ITIH5: variants seen among roughly 807,000 people sequenced by gnomAD.
ITIH5 encodes inter-alpha-trypsin inhibitor heavy chain 5, also known as inter-alpha-trypsin inhibitor heavy chain H5.
ITIH5 carries 65 observed loss-of-function variants against 77.5 expected under a neutral mutation model. The ratio of observed to expected loss-of-function variants is 0.84; its 90% CI spans 0.69 to 1.03. The LOEUF (loss-of-function observed/expected upper bound fraction) is 1.03. Among genes scored for constraint, ITIH5 ranks in the 50% least tolerant of loss-of-function variants. The probability of loss-of-function intolerance (pLI) is 0.00; values close to 1 mark genes in which losing one functional copy is unlikely to be tolerated. For synonymous variants in ITIH5, 525 were observed against 494.3 expected, an observed-to-expected ratio of 1.06 and a Z score of -0.82; for missense variants, 1,208 against 1,213.1, an observed-to-expected ratio of 1.00 and a Z score of 0.06.
At chr10:7,630,909 T>C (rs1394652781) in intron 5 of ITIH5, among the ~76,000 whole-genome samples, 3 of 152,120 alleles carry the variant, frequency 2.0e-5, no homozygotes, top group Non-Finnish European at 4.4e-5. Context: ...TCCCCATTCC[T>C]AGAGTTAAGA....
At chr10:7,634,923 A>G (rs1833775889) in intron 5 of ITIH5, among the ~76,000 whole-genome samples, 2 of 152,180 alleles carry the variant, frequency 1.3e-5, no homozygotes, top group Admixed American at 1.3e-4. Context: ...TGAAATTTTA[A>G]AACATTCTTA....
chr10:7,648,222 C>T (rs549671849), intron 2 of ITIH5, among the ~76,000 whole-genome samples: 9 of 147,900 alleles, frequency 6.1e-5, no homozygotes, highest in Non-Finnish European at 1.0e-4. Flanking sequence ...CCAGCCTGGG[C>T]GACTGAGCGA....
intron 2 of ITIH5, among the ~76,000 whole-genome samples, chr10:7,642,639 C>T (rs933517845): frequency 4.6e-5 from 7 of 152,166 alleles, no homozygotes; most frequent in Non-Finnish European, 7.3e-5. Flanking sequence ...AGCAGAGTAT[C>T]TAGAGAATTT....
At chr10:7,625,521 T>C (rs1360870938) in intron 5 of ITIH5, among the ~76,000 whole-genome samples, 1 of 152,120 alleles carries the variant, frequency 6.6e-6, no homozygotes, top group African/African-American at 2.4e-5. Flanking sequence ...TCCCAGCACT[T>C]TGGGAGGCCA....
intron 7 of ITIH5, among the ~76,000 whole-genome samples, chr10:7,613,872 C>T (rs1447258963): frequency 2.0e-5 from 3 of 152,186 alleles, no homozygotes; most frequent in African/African-American, 4.8e-5. Flanking sequence ...TGCAGTCCAG[C>T]TTCGTGCCAT....
chr10:7,589,624 C>G (rs1353639994), intron 7 of ITIH5, among the ~76,000 whole-genome samples: 1 of 151,822 alleles, frequency 6.6e-6, no homozygotes, highest in Non-Finnish European at 1.5e-5. Flanking sequence ...GGCTCGGAGA[C>G]CTCCACTATT....
intron 2 of ITIH5, among the ~76,000 whole-genome samples, chr10:7,651,434 T>G (rs904957933): frequency 1.3e-5 from 2 of 151,778 alleles, no homozygotes; most frequent in African/African-American, 4.8e-5. Flanking sequence ...AATACGAAAA[T>G]TAGCCGAGCG....
Position 7,640,720 on chromosome 10 carries a change from T to C in ITIH5, c.401+34A>G, listed in dbSNP as rs750684030. The C allele has an allele frequency of 2.2e-5, 31 of 1,430,632 alleles. No individual in the cohort carries two copies. The Admixed American group carries it at 4.8e-4, about 22-fold the overall frequency. The allele number at this position is 1,430,632 out of a possible 1,614,324, so 88.6% of individuals were successfully genotyped here. Reference sequence around the variant, plus strand: ...TAGAAAATGTGGCACTTTGCTAAAATGGGTTTTTAATTCCTTAATTAACCA... The same window carrying C: ...TAGAAAATGTGGCACTTTGCTAAAACGGGTTTTTAATTCCTTAATTAACCA... On this transcript the variant is annotated intron_variant, in intron 4 of 13. Coordinates refer to ENST00000397146, the MANE Select transcript of ITIH5 (RefSeq NM_030569.7).
chr10:7,577,045 A>G lies in ITIH5; in HGVS notation c.1419-33T>C, dbSNP rs374004102. 24 of 1,565,986 alleles carry G rather than the reference A, an allele frequency of 1.5e-5. No individual in the cohort carries two copies. The African/African-American group carries it at 2.7e-4, about 18-fold the overall frequency. On this transcript the variant is annotated intron_variant, in intron 9 of 13. Transcript: ENST00000397146. Reference sequence around the variant, plus strand: ...GGAAGCACAGGGAGGGAGGGAGATCAGGGCCCTGCTCTGACAGCAGGCAGG... The same window carrying G: ...GGAAGCACAGGGAGGGAGGGAGATCGGGGCCCTGCTCTGACAGCAGGCAGG...
At chr10:7,609,284 G>A (rs1833193374) in intron 7 of ITIH5, 3 of 371,276 alleles carry the variant, frequency 8.1e-6, no homozygotes, top group South Asian at 6.2e-5. Context: ...AAAAATGCAG[G>A]ATACATTTAT....
intron 5 of ITIH5, among the ~76,000 whole-genome samples, chr10:7,624,906 T>TAC (rs1210664326): frequency 7.2e-4 from 2 of 2,796 alleles, no homozygotes; most frequent in African/African-American, 7.2e-3. Context: ...TATACATACA[T>TAC]ATATATATAT....
chr10:7,641,052 A>G (rs1182147554), intron 3 of ITIH5, among the ~76,000 whole-genome samples, 197 bp from the exon 4 acceptor site: 4 of 152,218 alleles, frequency 2.6e-5, no homozygotes, highest in Non-Finnish European at 5.9e-5. Flanking sequence ...TCCAAATAGC[A>G]AGACCCAACC....
At chr10:7,614,556 C>T (rs1169458819) in intron 7 of ITIH5, among the ~76,000 whole-genome samples, 1 of 152,060 alleles carries the variant, frequency 6.6e-6, no homozygotes, top group African/African-American at 2.4e-5. Flanking sequence ...CTTCTTCTAC[C>T]AGTGTGGCCC....
chr10:7,659,186 G>T lies in ITIH5; in HGVS notation c.91-3511C>A, dbSNP rs575490398. On this transcript the variant is annotated intron_variant, in intron 1 of 13. Coordinates refer to ENST00000397146, the MANE Select transcript of ITIH5 (RefSeq NM_030569.7). Reference sequence around the variant, plus strand: ...GAGGTCAAGAGTTCGAAACCAACCTGGCCAACATGGTGAAACCTCATCTCT... The same window carrying T: ...GAGGTCAAGAGTTCGAAACCAACCTTGCCAACATGGTGAAACCTCATCTCT... Among the ~76,000 whole-genome samples the T allele has an allele frequency of 1.1e-3, 165 of 152,160 alleles. 2 individuals are homozygous for T. Among genetic ancestry groups the T allele is most frequent in the African/African-American group, 3.9e-3 (163 of 41,520 alleles).
At chr10:7,617,358 C>A (rs1833390495) in intron 5 of ITIH5, 76 bp from the exon 6 acceptor site, 1 of 970,234 alleles carries the variant, frequency 1.0e-6, no homozygotes, top group African/African-American at 1.7e-5. Context: ...GTTTGGCAGA[C>A]ACAGAGTTTT....
chr10:7,599,054 G>A (rs934863162), intron 7 of ITIH5, among the ~76,000 whole-genome samples: 4 of 152,120 alleles, frequency 2.6e-5, no homozygotes, highest in African/African-American at 7.2e-5. Flanking sequence ...GTCATTGTAC[G>A]TTTTTCTGAA....
chr10:7,620,673 T>C (rs1471113171), intron 5 of ITIH5: 1 of 114,686 alleles, frequency 8.7e-6, no homozygotes, highest in Non-Finnish European at 1.8e-5. Context: ...AACAATGTTA[T>C]TTGCCAAACA....
chr10:7,602,747 C>T (rs1588391322), intron 7 of ITIH5, among the ~76,000 whole-genome samples: 1 of 152,294 alleles, frequency 6.6e-6, no homozygotes, highest in East Asian at 1.9e-4. Flanking sequence ...TCAGCTTCTC[C>T]TCTAGGGTTT....
rs922901192 is a variant in ITIH5 at position 7,565,532 on chromosome 10, ATACT to A, written c.2527+494_2527+497del. 3.3e-5 allele frequency among the ~76,000 whole-genome samples: 5 copies of A among 149,880 alleles called. No individual in the cohort carries two copies. In the East Asian group the frequency reaches 5.8e-4, roughly 17 times the overall value. On this transcript the variant is annotated intron_variant, in intron 13 of 13. Coordinates refer to ENST00000397146, the MANE Select transcript of ITIH5 (RefSeq NM_030569.7). Reference sequence around the variant, plus strand: ...GTGCATATATAGACTGTATATATACATACTTATCAGTCTGTGTATACATATATAC... The same window carrying A: ...GTGCATATATAGACTGTATATATACATATCAGTCTGTGTATACATATATAC...
Sources: gnomAD v4.1 joint callset for allele counts (sites outside exome capture counted in the v4.1 genomes callset) on GRCh38, gnomAD v4.1.1 for gene constraint, MANE v1.5 for transcripts, NCBI Gene and HGNC (gene_info 2026-07-23, HGNC 2026-07-21) for gene names.